USP30: variants seen among roughly 807,000 people sequenced by gnomAD.
USP30 encodes the protein ubiquitin specific peptidase 30.
Under a neutral mutation model 68.2 loss-of-function variants are expected in USP30, and 41 were observed. The observed-to-expected ratio is 0.60, with a 90% CI of 0.47 to 0.78. The LOEUF is 0.78. USP30 is among the 30% of genes least tolerant of loss of function. The pLI is 0.00. For synonymous variants in USP30, 229 were observed against 253.7 expected (o/e 0.90, Z 0.93); for missense variants, 522 against 649.4 (o/e 0.80, Z 2.13).
intron 11 of USP30, among the ~76,000 whole-genome samples, chr12:109,084,233 C>A (rs1230948344): frequency 6.6e-6 from 1 of 152,150 alleles, no homozygotes; most frequent in African/African-American, 2.4e-5. Flanking sequence ...GTCTAAAACA[C>A]ACACAAAAAA....
At chr12:109,081,623 G>GCACGCGCA (rs2041801491) in intron 8 of USP30, 1 of 465,954 alleles carries the variant, frequency 2.1e-6, no homozygotes, top group South Asian at 2.9e-5. Context: ...ACGCATGCGC[G>GCACGCGCA]CACACACACA....
At chr12:109,055,369 C>CATATATATATATATATATATAT (rs71443830) in intron 1 of USP30, among the ~76,000 whole-genome samples, 2 of 68,794 alleles carry the variant, frequency 2.9e-5, no homozygotes, top group African/African-American at 5.1e-5. Context: ...TACACACACA[C>CATATATATATATATATATATAT]ATATATATAC....
At chr12:109,073,639 C>A in intron 7 of USP30, 107 bp downstream of exon 7, 1 of 967,522 alleles carries the variant, frequency 1.0e-6, no homozygotes, top group Non-Finnish European at 1.6e-6. Flanking sequence ...GTGTTAGAGA[C>A]TACCTGGCCT....
At chr12:109,071,565 C>G (rs2041442686) in intron 4 of USP30, 47 bp from the exon 5 acceptor site, 2 of 1,552,884 alleles carry the variant, frequency 1.3e-6, no homozygotes, top group East Asian at 2.2e-5. Context: ...TCTGATCTTG[C>G]TCTTGCCTCT....
At chr12:109,076,704 C>G (rs1207817561) in intron 7 of USP30, among the ~76,000 whole-genome samples, 2 of 146,878 alleles carry the variant, frequency 1.4e-5, no homozygotes, top group Non-Finnish European at 3.0e-5. Flanking sequence ...ATTCTGTTGA[C>G]TTGGTGAATT....
intron 7 of USP30, among the ~76,000 whole-genome samples, chr12:109,080,063 G>GT (rs1174098283): frequency 2.6e-5 from 4 of 152,318 alleles, no homozygotes; most frequent in Non-Finnish European, 5.9e-5. Context: ...TCTCTGCTCA[G>GT]TTTTTTTAGC....
At chr12:109,066,116 A>T (rs1207495918) in intron 3 of USP30, among the ~76,000 whole-genome samples, 1 of 152,022 alleles carries the variant, frequency 6.6e-6, no homozygotes. Flanking sequence ...GCTGAGCACA[A>T]GGACATGTGC....
chr12:109,035,449 C>A (rs1441811487), intron 3 of USP30, among the ~76,000 whole-genome samples: 3 of 152,030 alleles, frequency 2.0e-5, no homozygotes, highest in African/African-American at 7.2e-5. Flanking sequence ...CTGCAACCTC[C>A]GCCTCCCGGG....
chr12:109,029,102 C>T (rs1333151788), intron 3 of USP30, among the ~76,000 whole-genome samples: 1 of 152,194 alleles, frequency 6.6e-6, no homozygotes, highest in African/African-American at 2.4e-5. Context: ...AGAGAAGCTT[C>T]TGATTGCCAC....
chr12:109,073,622 G>T (rs186420657), intron 7 of USP30, 90 bp downstream of exon 7: 25 of 1,154,032 alleles, frequency 2.2e-5, no homozygotes, highest in Non-Finnish European at 2.6e-5. Context: ...GCTGACATCG[G>T]TCACTGGTGT....
At chr12:109,030,607 T>C (rs1357315364) in intron 3 of USP30, among the ~76,000 whole-genome samples, 2 of 152,022 alleles carry the variant, frequency 1.3e-5, no homozygotes, top group African/African-American at 4.8e-5. Context: ...CACAAAAAGG[T>C]AGGTTGCTTG....
intron 3 of USP30, among the ~76,000 whole-genome samples, chr12:109,028,456 T>G (rs1490940310): frequency 6.6e-6 from 1 of 151,722 alleles, no homozygotes; most frequent in African/African-American, 2.4e-5. Context: ...ACACCCTTTT[T>G]TTTTTCTGTT....
rs1474505734 is a variant in USP30 at position 109,082,749 on chromosome 12, C to T, written c.948+6C>T. ...AACAGTTAAAACTAGGGAAGGTGAG[C>T]CCACACTACACACCCTGTTGGCTTT... On this transcript the variant is annotated splice_donor_region_variant and intron_variant, in intron 10 of 12. Transcript: ENST00000257548. 2 of 1,613,272 alleles carry T rather than the reference C, an allele frequency of 1.2e-6. No individual in the cohort carries two copies. The highest frequency in any genetic ancestry group is 2.7e-5 in the African/African-American group (2 of 74,926).
chr12:109,038,119 G>T (rs1450695119), intron 3 of USP30, among the ~76,000 whole-genome samples: 1 of 151,954 alleles, frequency 6.6e-6, no homozygotes, highest in Non-Finnish European at 1.5e-5. Flanking sequence ...TATCACCTAG[G>T]TATTTAGCCC....
At chr12:109,074,229 A>G (rs2041528385) in intron 7 of USP30, among the ~76,000 whole-genome samples, 1 of 152,252 alleles carries the variant, frequency 6.6e-6, no homozygotes, top group East Asian at 1.9e-4. Flanking sequence ...ATTACCAAAT[A>G]ATATTGCATT....
chr12:109,025,397 TCTGA>T (rs1398138077), intron 2 of USP30, among the ~76,000 whole-genome samples: 1 of 152,042 alleles, frequency 6.6e-6, no homozygotes, highest in African/African-American at 2.4e-5. Flanking sequence ...TCCGGAGAGC[TCTGA>T]CTAATACAGT....
Position 109,085,721 on chromosome 12 carries a change from G to A in USP30, c.1344G>A (p.Met448Ile). 2.5e-6 allele frequency: 4 copies of A among 1,614,202 alleles called. No individual in the cohort carries two copies. The highest frequency in any genetic ancestry group is 3.4e-6 in the Non-Finnish European group (4 of 1,180,042). Residue 448 changes from methionine to isoleucine, a missense_variant, in exon 13 of 13, where the codon ATG becomes ATA. Physicochemically the swap from Met to Ile is conservative, Grantham distance 10. Coordinates refer to ENST00000257548, the MANE Select transcript of USP30 (RefSeq NM_032663.5). ...CAGTTGTCGTCCACCATGGAGACAT[G>A]CACTCTGGACACTTTGTCACTTACC... ...LMAVVVHHGD[M>I]HSGHFVTYRR...
chr12:109,028,310 A>C (rs1454176503), intron 3 of USP30, among the ~76,000 whole-genome samples: 1 of 152,164 alleles, frequency 6.6e-6, no homozygotes, highest in Non-Finnish European at 1.5e-5. Flanking sequence ...TTATAAAGAA[A>C]AGAGATTTAA....
At chr12:109,052,361 G>A, upstream of USP30, 1 of 237,954 alleles carries the variant, frequency 4.2e-6, no homozygotes, top group Non-Finnish European at 8.1e-6. Context: ...CATCCTAGAA[G>A]TGTGCCATCT....
Sources: allele counts gnomAD v4.1 joint callset (sites outside exome capture counted in the v4.1 genomes callset), GRCh38; gene constraint gnomAD v4.1.1; transcripts MANE v1.5; gene names NCBI Gene and HGNC (gene_info 2026-07-23, HGNC 2026-07-21).